The following FAM110B variants were observed in gnomAD, a reference collection of about 807,000 sequenced individuals.
FAM110B encodes the protein family with sequence similarity 110 member B.
A neutral mutation model predicts 20.4 loss-of-function variants in FAM110B; 6 were observed. The ratio of observed to expected loss-of-function variants is 0.29; its 90% CI spans 0.16 to 0.58. FAM110B has a LOEUF of 0.58. Ranked by LOEUF, FAM110B falls within the 20% of genes least tolerant of loss-of-function variation. The pLI, the probability that FAM110B is intolerant of heterozygous loss-of-function variation, is 0.90. For synonymous variants in FAM110B, 226 were observed against 214.1 expected (o/e 1.06, Z -0.49); for missense variants, 434 against 498.2 (o/e 0.87, Z 1.23).
At chr8:58,072,147 T>C (rs1805914604) in intron 2 of FAM110B, among the ~76,000 whole-genome samples, 1 of 152,232 alleles carries the variant, frequency 6.6e-6, no homozygotes, top group Non-Finnish European at 1.5e-5. Flanking sequence ...TGTCTCTCTA[T>C]CTCCTGAAAT....
At chr8:58,096,819 A>G (rs6993589) in intron 3 of FAM110B, among the ~76,000 whole-genome samples, 7,486 of 152,226 alleles carry the variant, frequency 0.049, 615 homozygotes, top group African/African-American at 0.17. Context: ...TTGGTTGGAT[A>G]TGAAATTCTG....
intron 2 of FAM110B, among the ~76,000 whole-genome samples, chr8:58,062,321 T>G (rs1422421899): frequency 6.6e-6 from 1 of 152,204 alleles, no homozygotes; most frequent in Admixed American, 6.5e-5. Context: ...GTGATCGTTT[T>G]CAACAGAAGA....
intron 1 of FAM110B, among the ~76,000 whole-genome samples, chr8:58,002,425 G>T (rs1585801608): frequency 6.6e-6 from 1 of 152,334 alleles, no homozygotes; most frequent in African/African-American, 2.4e-5. Context: ...GTCTTTCTCA[G>T]TAGTGCTAGC....
At chr8:58,143,099 C>T (rs1266528621) in intron 3 of FAM110B, among the ~76,000 whole-genome samples, 1 of 152,248 alleles carries the variant, frequency 6.6e-6, no homozygotes, top group African/African-American at 2.4e-5. Context: ...CCAGCCCACA[C>T]TGTTTCACAG....
chr8:58,043,000 TG>T (rs1805251035), intron 2 of FAM110B, among the ~76,000 whole-genome samples: 1 of 152,180 alleles, frequency 6.6e-6, no homozygotes, highest in Non-Finnish European at 1.5e-5. Flanking sequence ...CTGCAGTGAA[TG>T]AGATAATTTT....
At chr8:58,066,741 G>T (rs941657854) in intron 2 of FAM110B, among the ~76,000 whole-genome samples, 2 of 152,068 alleles carry the variant, frequency 1.3e-5, no homozygotes, top group Non-Finnish European at 2.9e-5. Context: ...ACTAGGGAGC[G>T]GATCGTTGGT....
intron 2 of FAM110B, among the ~76,000 whole-genome samples, chr8:58,070,048 T>C (rs1289873997): frequency 6.6e-6 from 1 of 152,222 alleles, no homozygotes; most frequent in African/African-American, 2.4e-5. Context: ...AATGGCTCTG[T>C]GCTAGCAAAC....
intron 2 of FAM110B, among the ~76,000 whole-genome samples, chr8:58,036,489 A>G (rs1342948937): frequency 6.6e-6 from 1 of 152,168 alleles, no homozygotes; most frequent in Non-Finnish European, 1.5e-5. Context: ...TTTAAAGTAA[A>G]TTTGCCTTAT....
At chr8:58,038,469 A>T (rs1393578954) in intron 2 of FAM110B, among the ~76,000 whole-genome samples, 1 of 152,176 alleles carries the variant, frequency 6.6e-6, no homozygotes, top group Non-Finnish European at 1.5e-5. Flanking sequence ...TCTTCATGTA[A>T]TTAAAATATC....
chr8:58,048,045 AATACTTC>A (rs1452928346), intron 2 of FAM110B, among the ~76,000 whole-genome samples: 4 of 152,172 alleles, frequency 2.6e-5, no homozygotes, highest in Non-Finnish European at 2.9e-5. Flanking sequence ...GTTGATTCTA[AATACTTC>A]TTAGTCATCC....
At chr8:58,138,916 T>C (rs1403644124) in intron 3 of FAM110B, among the ~76,000 whole-genome samples, 2 of 152,180 alleles carry the variant, frequency 1.3e-5, no homozygotes, top group Non-Finnish European at 2.9e-5. Flanking sequence ...AAAGTTGGCC[T>C]TCCCTGCATC....
At chr8:58,092,479 A>T (rs1431346794) in intron 3 of FAM110B, among the ~76,000 whole-genome samples, 2 of 152,148 alleles carry the variant, frequency 1.3e-5, no homozygotes, top group Non-Finnish European at 2.9e-5. Flanking sequence ...CCCACTTCTA[A>T]GCGAGAACAT....
intron 1 of FAM110B, among the ~76,000 whole-genome samples, chr8:58,023,677 T>C (rs1198948523): frequency 6.6e-6 from 1 of 152,214 alleles, no homozygotes; most frequent in Non-Finnish European, 1.5e-5. Context: ...CTGGGAACTT[T>C]ACTATAAACT....
intron 1 of FAM110B, among the ~76,000 whole-genome samples, chr8:58,017,150 T>C (rs1804655632): frequency 6.6e-6 from 1 of 152,212 alleles, no homozygotes; most frequent in African/African-American, 2.4e-5. Context: ...TGGATGCATG[T>C]GTTTCTTGCC....
chr8:58,050,972 C>T lies in FAM110B; in HGVS notation c.-414+19269C>T, dbSNP rs1382617560. The stretch of plus-strand genomic sequence containing the variant: ...CTACTTTGAGATGCTGAAGACCGTG[C>T]TCTAAGAACTCTCTTCTTGTTTAAC... On this transcript the variant is annotated intron_variant, in intron 2 of 3. Coordinates refer to ENST00000519262, the MANE Select transcript of FAM110B (RefSeq NM_001377989.1). Among the ~76,000 whole-genome samples, 2 of 152,214 alleles carry T rather than the reference C, an allele frequency of 1.3e-5. 1 individual carries two copies. Among genetic ancestry groups the T allele is most frequent in the African/African-American group, 4.8e-5 (2 of 41,452 alleles).
intron 1 of FAM110B, among the ~76,000 whole-genome samples, chr8:58,017,316 G>A (rs1804659265): frequency 6.6e-6 from 1 of 152,224 alleles, no homozygotes. Context: ...TGCCCAAGGT[G>A]ATGTGGCCAG....
At chr8:58,071,558 G>T (rs1355689662) in intron 2 of FAM110B, among the ~76,000 whole-genome samples, 2 of 152,280 alleles carry the variant, frequency 1.3e-5, no homozygotes, top group East Asian at 3.9e-4. Flanking sequence ...GGTTAAAGGG[G>T]TTCTGTACTT....
rs994803601 is a variant in FAM110B, at chr8:58,061,301, G to A, written c.-413-14234G>A. On this transcript the variant is annotated intron_variant, in intron 2 of 3. Coordinates refer to ENST00000519262, the MANE Select transcript of FAM110B (RefSeq NM_001377989.1). The stretch of plus-strand genomic sequence containing the variant: ...TGGAAGGGTTTTCTGCTCATCTGTC[G>A]GATACTTTGTGCCATTTCTTCCTAT... 5.9e-5 allele frequency among the ~76,000 whole-genome samples: 9 copies of A among 152,082 alleles called. No homozygotes were observed. The East Asian group carries it at 7.7e-4, about 13-fold the overall frequency.
intron 1 of FAM110B, among the ~76,000 whole-genome samples, chr8:58,002,388 C>T (rs1804315360): frequency 6.6e-6 from 1 of 152,240 alleles, no homozygotes; most frequent in African/African-American, 2.4e-5. Context: ...CCAGGTACCA[C>T]TTCTCTAAGT....
Sources: gnomAD v4.1 joint callset for allele counts (sites outside exome capture counted in the v4.1 genomes callset) on GRCh38, gnomAD v4.1.1 for gene constraint, MANE v1.5 for transcripts, NCBI Gene and HGNC (gene_info 2026-07-23, HGNC 2026-07-21) for gene names.